The following ANO6 variants were observed in gnomAD, a reference collection of about 807,000 sequenced individuals.
The protein encoded by ANO6 is anoctamin-6.
A neutral mutation model predicts 117.5 loss-of-function variants in ANO6; 106 were observed. The ratio of observed to expected loss-of-function variants is 0.90; its 90% CI spans 0.77 to 1.06. The LOEUF (loss-of-function observed/expected upper bound fraction) is 1.06. Among genes scored for constraint, ANO6 ranks in the 50% least tolerant of loss-of-function variants. The pLI, the probability that ANO6 is intolerant of heterozygous loss-of-function variation, is 0.00. For missense variants in ANO6, 955 were observed against 1,121.1 expected, an observed-to-expected ratio of 0.85 and a Z score of 2.12; for synonymous variants, 367 against 385.1, an observed-to-expected ratio of 0.95 and a Z score of 0.55.
chr12:45,275,796 T>C (rs1175136026), intron 1 of ANO6, among the ~76,000 whole-genome samples: 2 of 152,212 alleles, frequency 1.3e-5, no homozygotes, highest in African/African-American at 4.8e-5. Flanking sequence ...GATCCTCTAC[T>C]GGCATTTCCT....
chr12:45,405,474 T>C (rs944206584), intron 15 of ANO6, among the ~76,000 whole-genome samples: 2 of 152,262 alleles, frequency 1.3e-5, no homozygotes, highest in Non-Finnish European at 2.9e-5. Context: ...ATATGAACTT[T>C]GCCTTCAAAT....
intron 16 of ANO6, among the ~76,000 whole-genome samples, chr12:45,413,153 G>A (rs768605091): frequency 2.6e-5 from 4 of 152,204 alleles, no homozygotes; most frequent in Non-Finnish European, 4.4e-5. Flanking sequence ...TGTGGAATAA[G>A]ATCAATCACG....
chr12:45,329,066 A>G (rs1488823013), intron 2 of ANO6, among the ~76,000 whole-genome samples: 5 of 152,170 alleles, frequency 3.3e-5, no homozygotes, highest in South Asian at 2.1e-4. Flanking sequence ...CAGTAAGTCA[A>G]TCTCACTTGC....
chr12:45,335,755 A>G (rs565243470), intron 3 of ANO6: 1 of 151,944 alleles, frequency 6.6e-6, no homozygotes, highest in Non-Finnish European at 1.5e-5. Context: ...ATTTTTATTA[A>G]CTTTTTCCAA....
intron 12 of ANO6, among the ~76,000 whole-genome samples, chr12:45,394,228 A>G (rs1942544414): frequency 6.6e-6 from 1 of 152,210 alleles, no homozygotes; most frequent in African/African-American, 2.4e-5. Flanking sequence ...TTAAACCAAC[A>G]AAGATCAAAA....
At chr12:45,269,784 A>T (rs1042176858) in intron 1 of ANO6, among the ~76,000 whole-genome samples, 5 of 152,206 alleles carry the variant, frequency 3.3e-5, no homozygotes, top group Admixed American at 6.5e-5. Context: ...TGTGTGGTAC[A>T]GTCCCGTTTA....
intron 2 of ANO6, among the ~76,000 whole-genome samples, chr12:45,320,688 T>G (rs1235863652): frequency 6.6e-6 from 1 of 152,174 alleles, no homozygotes; most frequent in African/African-American, 2.4e-5. Flanking sequence ...AATTTCTGTC[T>G]CGTTGATCTG....
chr12:45,384,125 T>C (rs1942237062), intron 10 of ANO6, among the ~76,000 whole-genome samples: 1 of 152,238 alleles, frequency 6.6e-6, no homozygotes, highest in Non-Finnish European at 1.5e-5. Context: ...ATTTCTTTCC[T>C]TAAACCTCAT....
At chr12:45,216,480 G>A (rs1947313900) in intron 1 of ANO6, 89 bp downstream of exon 1, 1 of 1,464,242 alleles carries the variant, frequency 6.8e-7, no homozygotes, top group Non-Finnish European at 9.3e-7. Flanking sequence ...TGTGCTCTCC[G>A]CGGGGGAGGT....
intron 1 of ANO6, among the ~76,000 whole-genome samples, chr12:45,257,131 C>T (rs950336801): frequency 7.9e-5 from 12 of 152,176 alleles, no homozygotes; most frequent in Non-Finnish European, 1.8e-4. Context: ...GCTCTCTTGG[C>T]GTGCCTGCTT....
chr12:45,341,875 G>A (rs192655830), intron 3 of ANO6, among the ~76,000 whole-genome samples: 2 of 152,206 alleles, frequency 1.3e-5, no homozygotes, highest in East Asian at 1.9e-4. Context: ...AATAAGGGAA[G>A]TCGAGCATGT....
In ANO6 at chr12:45,218,390, CTT is replaced by C. The variant is rs76855973; in HGVS notation, c.70+2020_70+2021del. Among the ~76,000 whole-genome samples the C allele has an allele frequency of 9.3e-3, 1,018 of 110,020 alleles. 1 individual carries two copies. The highest frequency in any genetic ancestry group is 0.02 in the Middle Eastern group (4 of 198). 72.2% of individuals were successfully genotyped at this position (110,020 alleles called of 152,430 possible). On this transcript the variant is annotated intron_variant, in intron 1 of 19. Transcript: ENST00000320560. ...ATGTGATTTCTGTTTCTTTCTTTCT[CTT>C]TTTTTTTTTTTTTTTTTTTTGAGAT...
chr12:45,307,494 G>A (rs1016359157), intron 2 of ANO6, among the ~76,000 whole-genome samples: 2 of 152,106 alleles, frequency 1.3e-5, no homozygotes, highest in Admixed American at 6.5e-5. Context: ...AGGATATGCA[G>A]GAGAAAAATC....
chr12:45,219,949 T>G (rs1947371553), intron 1 of ANO6, among the ~76,000 whole-genome samples: 2 of 152,306 alleles, frequency 1.3e-5, no homozygotes, highest in South Asian at 4.1e-4. Flanking sequence ...TGCAAGCCCC[T>G]GGGAGTTAGG....
rs747050781 is a variant in ANO6 at position 45,302,014 on chromosome 12, T to C, written c.71T>C (p.Val24Ala). Residue 24 changes from valine (V) to alanine (A), a missense_variant and splice_region_variant, in exon 2 of 20, where the codon GTG (valine) becomes GCG (alanine). Physicochemically the swap from Val to Ala is moderately conservative, Grantham distance 64. Transcript: ENST00000320560. The part of the protein sequence containing the change: ...EEEDDDDGDI[V>A]LENLGQTIVP... The stretch of plus-strand genomic sequence containing the variant: ...TGTTTATATATTCATTCGTTTTTAG[T>C]GTTGGAAAACCTTGGACAGACAATT... 20 of 1,613,782 alleles carry C rather than the reference T, an allele frequency of 1.2e-5. No individual in the cohort carries two copies. Among genetic ancestry groups the C allele is most frequent in the Non-Finnish European group, 1.6e-5 (19 of 1,179,810 alleles).
chr12:45,326,320 A>T (rs1273760907), intron 2 of ANO6, among the ~76,000 whole-genome samples: 1 of 152,228 alleles, frequency 6.6e-6, no homozygotes, highest in Admixed American at 6.5e-5. Flanking sequence ...GACTAGTTAT[A>T]GCCATTTACT....
intron 12 of ANO6, among the ~76,000 whole-genome samples, chr12:45,395,788 A>G (rs950672837): frequency 3.3e-5 from 5 of 152,250 alleles, no homozygotes; most frequent in South Asian, 2.1e-4. Context: ...ACAAAATTCA[A>G]TAGCCCTTCC....
chr12:45,265,056 GT>G (rs1358136238), intron 1 of ANO6, among the ~76,000 whole-genome samples: 2 of 152,100 alleles, frequency 1.3e-5, no homozygotes, highest in African/African-American at 4.8e-5. Flanking sequence ...AGTCTTTTAT[GT>G]TGGCAATTCC....
intron 1 of ANO6, among the ~76,000 whole-genome samples, chr12:45,238,224 C>T (rs897453706): frequency 3.3e-5 from 5 of 149,482 alleles, no homozygotes; most frequent in Non-Finnish European, 3.0e-5. Flanking sequence ...GATCTCGGCT[C>T]ACTGCAAGCT....
Sources: gnomAD v4.1 joint callset for allele counts (sites outside exome capture counted in the v4.1 genomes callset) on GRCh38, gnomAD v4.1.1 for gene constraint, MANE v1.5 for transcripts, NCBI Gene and HGNC (gene_info 2026-07-23, HGNC 2026-07-21) for gene names.